RBM33: variants seen among roughly 807,000 people sequenced by gnomAD.
RBM33 encodes RNA binding motif protein 33, also known as RNA-binding protein 33.
Under a neutral mutation model 132.6 loss-of-function variants are expected in RBM33, and 28 were observed. The observed-to-expected ratio is 0.21, with a 90% CI of 0.16 to 0.29. The LOEUF is 0.29. Ranked by LOEUF, RBM33 falls within the 10% of genes least tolerant of loss-of-function variation. RBM33 has a pLI of 1.00. For missense variants in RBM33, 1,291 were observed against 1,518.5 expected, an observed-to-expected ratio of 0.85 and a Z score of 2.49; for synonymous variants, 634 against 593.0, an observed-to-expected ratio of 1.07 and a Z score of -1.01.
At chr7:155,694,355 T>C (rs1799732701) in intron 5 of RBM33, among the ~76,000 whole-genome samples, 1 of 152,200 alleles carries the variant, frequency 6.6e-6, no homozygotes, top group African/African-American at 2.4e-5. Flanking sequence ...ACATAGTTAT[T>C]TAAAAAGACT....
In RBM33 at chr7:155,739,802, C is replaced by T. The variant is rs1168571593; in HGVS notation, c.1825C>T (p.His609Tyr). The change falls in exon 12 of 18, where the codon CAC (histidine) becomes TAC (tyrosine). Residue 609 changes from histidine (H) to tyrosine (Y), a missense_variant. Around this residue, in one of 7 missense-constraint regions of RBM33, gnomAD observed 841 missense variants for 912.0 expected, o/e 0.92. Coordinates refer to ENST00000401878, the MANE Select transcript of RBM33 (RefSeq NM_053043.3). ...GCCCCCGCCACAGCACCAGCCTCCG[C>T]ACCAGCCCCCGCACCAGCCCCCGCC... ...QQPPPQHQPP[H>Y]QPPHQPPPQH... 3 of 1,490,824 alleles carry T rather than the reference C, an allele frequency of 2.0e-6. No individual in the cohort carries two copies. The highest frequency in any genetic ancestry group is 1.2e-5 in the South Asian group (1 of 81,594). 92.3% of individuals were successfully genotyped at this position (1,490,824 alleles called of 1,614,324 possible). A position where few individuals can be genotyped will look rare whatever the true frequency, so the allele number is the denominator to read the frequency against.
intron 9 of RBM33, among the ~76,000 whole-genome samples, chr7:155,724,023 A>T (rs1800704572): frequency 6.6e-6 from 1 of 152,206 alleles, no homozygotes; most frequent in Non-Finnish European, 1.5e-5. Context: ...GCCCATCTGC[A>T]ACTGAATAAT....
In RBM33 at chr7:155,718,222, AT is replaced by A. The variant is rs1800521345; in HGVS notation, c.1202-162del. Among the ~76,000 whole-genome samples the A allele has an allele frequency of 2.0e-5, 3 of 152,098 alleles. No homozygotes were observed. The South Asian group carries it at 6.2e-4, about 31-fold the overall frequency. ...AACTTCTGCTTTCCCCTTTTCTGTTATGGAATTGTTAAAAATACTAAATGCT... is the reference window on the plus strand; with the variant it reads ...AACTTCTGCTTTCCCCTTTTCTGTTAGGAATTGTTAAAAATACTAAATGCT... On this transcript the variant is annotated intron_variant, in intron 8 of 17. Transcript: ENST00000401878.
At chr7:155,744,789 C>G (rs1033218081) in intron 13 of RBM33, among the ~76,000 whole-genome samples, 172 bp from the exon 14 acceptor site, 2 of 150,974 alleles carry the variant, frequency 1.3e-5, no homozygotes, top group South Asian at 4.2e-4. Flanking sequence ...GGTTTTTTTC[C>G]CCCTCCCCAG....
intron 16 of RBM33, among the ~76,000 whole-genome samples, chr7:155,772,261 C>T (rs1204985993): frequency 6.6e-6 from 1 of 152,100 alleles, no homozygotes; most frequent in Non-Finnish European, 1.5e-5. Context: ...CAGCTCTAAC[C>T]TAGGTTAGGG....
Position 155,748,022 on chromosome 7 carries a change from G to A in RBM33, c.2979+2420G>A, listed in dbSNP as rs77158671. On this transcript the variant is annotated intron_variant, in intron 14 of 17. Transcript: ENST00000401878. ...GAGGCATTCTCTGCATATGGGGGCT[G>A]TGGTCTTAATGCTCAGGGATGTTTC... is the stretch of plus-strand genomic sequence containing the variant. 2.8e-4 allele frequency among the ~76,000 whole-genome samples: 42 copies of A among 152,352 alleles called. No homozygotes were observed. The East Asian group carries it at 7.3e-3, about 27-fold the overall frequency.
At chr7:155,685,101 C>G (rs1332028300) in intron 5 of RBM33, 2 of 1,532,710 alleles carry the variant, frequency 1.3e-6, no homozygotes, top group South Asian at 2.4e-5. Flanking sequence ...GTTTCCCTCC[C>G]CCAGACTTAA....
intron 4 of RBM33, among the ~76,000 whole-genome samples, chr7:155,680,336 A>C (rs551526977): frequency 5.9e-5 from 9 of 152,318 alleles, no homozygotes; most frequent in East Asian, 5.8e-4. Flanking sequence ...TGATAAGTAG[A>C]GGGGCTATAT....
At chr7:155,700,984 T>C (rs971258595) in intron 6 of RBM33, 40 bp downstream of exon 6, 1 of 1,505,932 alleles carries the variant, frequency 6.6e-7, no homozygotes, top group Non-Finnish European at 9.2e-7. Flanking sequence ...TTTACTCTCA[T>C]TTCAACTTCC....
rs1304150600 is a variant in RBM33, at chr7:155,780,939, G to A, written c.*5898G>A. The A allele has an allele frequency of 6.5e-6, 1 of 152,776 alleles. No homozygotes were observed. The highest frequency in any genetic ancestry group is 1.5e-5 in the Non-Finnish European group (1 of 68,084). The allele number at this position is 152,776 out of a possible 1,614,324, so 9.5% of individuals were successfully genotyped here. A position where few individuals can be genotyped will look rare whatever the true frequency, so the allele number is the denominator to read the frequency against. ...CAAAGATGCCGGCGTCCCGCAGTGT[G>A]CGGTTCGTGCCCTTAACCACCCGCT... On this transcript the variant is annotated 3_prime_UTR_variant, in exon 18 of 18. Transcript: ENST00000401878.
chr7:155,742,988 T>C (rs1254371167), intron 13 of RBM33, among the ~76,000 whole-genome samples: 1 of 152,250 alleles, frequency 6.6e-6, no homozygotes, highest in Non-Finnish European at 1.5e-5. Flanking sequence ...GAGAAGAATT[T>C]AGGCAAGTCA....
chr7:155,663,134 C>T (rs1027628015), intron 1 of RBM33, among the ~76,000 whole-genome samples: 5 of 151,994 alleles, frequency 3.3e-5, no homozygotes, highest in African/African-American at 1.2e-4. Flanking sequence ...CTCATTCTGT[C>T]ATATTGGAAG....
intron 9 of RBM33, 30 bp downstream of exon 9, chr7:155,718,473 T>C: frequency 4.4e-6 from 7 of 1,574,430 alleles, no homozygotes; most frequent in Non-Finnish European, 6.1e-6. Context: ...TCTCCTTTGA[T>C]AGGGATGAGC....
chr7:155,685,025 T>C, intron 5 of RBM33: 1 of 1,550,308 alleles, frequency 6.5e-7, no homozygotes, highest in Non-Finnish European at 8.7e-7. Flanking sequence ...AGATTACTGA[T>C]GCCCAGGTTG....
intron 8 of RBM33, among the ~76,000 whole-genome samples, chr7:155,714,311 A>G (rs1038850438): frequency 2.0e-5 from 3 of 152,118 alleles, no homozygotes; most frequent in African/African-American, 7.2e-5. Context: ...CAGGGAGGAG[A>G]AGACACCAGG....
intron 8 of RBM33, 69 bp from the exon 9 acceptor site, chr7:155,718,316 A>G: frequency 8.3e-7 from 1 of 1,203,878 alleles, no homozygotes; most frequent in South Asian, 1.2e-5. Context: ...ATTAAACTTC[A>G]TATGTTGTCT....
intron 14 of RBM33, among the ~76,000 whole-genome samples, chr7:155,753,113 C>T (rs774917906): frequency 4.6e-5 from 7 of 152,208 alleles, no homozygotes; most frequent in Admixed American, 2.0e-4. Flanking sequence ...GTTCTTACCC[C>T]TTTCCCCAGT....
At chr7:155,736,387 GATAGTTA>G (rs1801127996) in intron 9 of RBM33, among the ~76,000 whole-genome samples, 1 of 152,196 alleles carries the variant, frequency 6.6e-6, no homozygotes, top group Non-Finnish European at 1.5e-5. Flanking sequence ...TTATTTTGAT[GATAGTTA>G]ATAGTTAATT....
intron 9 of RBM33, among the ~76,000 whole-genome samples, chr7:155,733,553 T>TG (rs769579867): frequency 3.2e-5 from 3 of 94,638 alleles, no homozygotes; most frequent in African/African-American, 4.8e-5. Context: ...GTGGTGACAG[T>TG]GTCATACCCA....
Sources: gnomAD v4.1 joint callset for allele counts (sites outside exome capture counted in the v4.1 genomes callset) on GRCh38, gnomAD v4.1.1 for gene constraint, gnomAD v4.1.1 regional missense constraint, MANE v1.5 for transcripts, NCBI Gene and HGNC (gene_info 2026-07-23, HGNC 2026-07-21) for gene names.